Variants in SUCLG2 observed in about 807,000 individuals in gnomAD.
SUCLG2 encodes the protein succinate--CoA ligase [GDP-forming] subunit beta, mitochondrial.
A neutral mutation model predicts 47.9 loss-of-function variants in SUCLG2; 42 were observed. The observed-to-expected ratio is 0.88, with a 90% CI of 0.69 to 1.14. The LOEUF (loss-of-function observed/expected upper bound fraction) is 1.14, where lower values mean the gene tolerates loss of function less well. Among genes scored for constraint, SUCLG2 ranks in the 50% most tolerant of loss-of-function variants. SUCLG2 has a pLI of 0.00. For synonymous variants in SUCLG2, 195 were observed against 197.3 expected (o/e 0.99, Z 0.10); for missense variants, 571 against 525.9 (o/e 1.09, Z -0.84).
intron 7 of SUCLG2, among the ~76,000 whole-genome samples, chr3:67,505,098 C>G (rs976872241): frequency 6.6e-6 from 1 of 152,168 alleles, no homozygotes; most frequent in Admixed American, 6.5e-5. Context: ...CAGTGGCTGG[C>G]ATGGGCATAG....
chr3:67,519,332 T>C (rs931638328), intron 5 of SUCLG2, among the ~76,000 whole-genome samples: 1 of 152,236 alleles, frequency 6.6e-6, no homozygotes, highest in Non-Finnish European at 1.5e-5. Context: ...CTGGAAAAAC[T>C]GGATAAACAA....
At chr3:67,364,151 C>A (rs565884485) in intron 10 of SUCLG2, among the ~76,000 whole-genome samples, 1 of 152,200 alleles carries the variant, frequency 6.6e-6, no homozygotes, top group Non-Finnish European at 1.5e-5. Context: ...CTACTGAAGC[C>A]CATGAAGGCT....
At chr3:67,625,592 C>T (rs1371108819) in intron 1 of SUCLG2, among the ~76,000 whole-genome samples, 2 of 152,150 alleles carry the variant, frequency 1.3e-5, no homozygotes, top group African/African-American at 4.8e-5. Context: ...ACAGTCAGCT[C>T]AAAATTAAAA....
rs189792336 is a variant in SUCLG2 at position 67,589,128 on chromosome 3, C to T, written c.226+20327G>A. Among the ~76,000 whole-genome samples, 11 of 152,328 alleles carry T rather than the reference C, an allele frequency of 7.2e-5. No homozygotes were observed. The East Asian group carries it at 1.9e-3, about 27-fold the overall frequency. On this transcript the variant is annotated intron_variant, in intron 2 of 10. Transcript: ENST00000307227. ...CTATGTGATCCACCCACTTGGAATG[C>T]CCTTCCCTTAGATCTTCTTGCAGCT... is the stretch of plus-strand genomic sequence containing the variant.
chr3:67,624,530 A>G (rs1366065788), intron 1 of SUCLG2, among the ~76,000 whole-genome samples: 5 of 152,216 alleles, frequency 3.3e-5, no homozygotes, highest in African/African-American at 1.2e-4. Flanking sequence ...GAGAAATAAT[A>G]ATTTTGATGA....
chr3:67,483,044 A>T (rs1704957894), intron 9 of SUCLG2, among the ~76,000 whole-genome samples: 1 of 152,174 alleles, frequency 6.6e-6, no homozygotes, highest in South Asian at 2.1e-4. Flanking sequence ...GGCCCTTGGG[A>T]ATGCTAATAT....
chr3:67,400,921 A>G, intron 9 of SUCLG2, 70 bp from the exon 10 acceptor site: 13 of 1,595,136 alleles, frequency 8.1e-6, no homozygotes, highest in Non-Finnish European at 1.1e-5. Context: ...AACTGGTTAA[A>G]TAATAGAGAC....
intron 10 of SUCLG2, among the ~76,000 whole-genome samples, chr3:67,399,897 C>T (rs971403114): frequency 6.6e-6 from 1 of 152,122 alleles, no homozygotes; most frequent in Non-Finnish European, 1.5e-5. Flanking sequence ...AAAACTCCCC[C>T]TGGCTAGGTG....
intron 10 of SUCLG2, among the ~76,000 whole-genome samples, chr3:67,391,339 G>T (rs955263181): frequency 5.3e-5 from 8 of 151,990 alleles, no homozygotes; most frequent in African/African-American, 1.9e-4. Context: ...AGTACAAATC[G>T]TGTCCTTCTT....
At chr3:67,425,684 C>A (rs1043701848) in intron 9 of SUCLG2, among the ~76,000 whole-genome samples, 1 of 152,224 alleles carries the variant, frequency 6.6e-6, no homozygotes, top group Non-Finnish European at 1.5e-5. Flanking sequence ...ATACCACCAG[C>A]CTTCCTGGGT....
intron 7 of SUCLG2, among the ~76,000 whole-genome samples, chr3:67,508,575 GT>G (rs1311604389): frequency 6.6e-6 from 1 of 152,090 alleles, no homozygotes; most frequent in Non-Finnish European, 1.5e-5. Flanking sequence ...AAGCCTGAAT[GT>G]TTTTAAGTAA....
chr3:67,498,365 G>A, intron 7 of SUCLG2, 70 bp from the exon 8 acceptor site: 1 of 1,524,108 alleles, frequency 6.6e-7, no homozygotes, highest in Non-Finnish European at 9.0e-7. Flanking sequence ...CTTCAGGCTG[G>A]TAGGCACAAG....
rs1325937947 is a variant in SUCLG2 at position 67,609,560 on chromosome 3, G to A, written c.121C>T (p.Gln41Ter). 1 of 1,613,802 alleles carries A rather than the reference G, an allele frequency of 6.2e-7. No individual in the cohort carries two copies. Among genetic ancestry groups the A allele is most frequent in the Admixed American group, 1.7e-5 (1 of 59,986 alleles). Residue 41 changes from glutamine to a stop codon, truncating the protein, a stop_gained, in exon 2 of 11, where the codon CAG becomes TAG. Coordinates refer to ENST00000307227, the MANE Select transcript of SUCLG2 (RefSeq NM_003848.4). LOFTEE classifies it high-confidence loss of function. ...QLTSRRWLNL[Q>*]EYQSKKLMSD... is the part of the protein sequence containing the mutation. ...ATCAGTTTCTTGCTCTGGTATTCCTGCAGGTTCAGCCATCTTCTGGAGGTT... is the reference window on the plus strand; with the variant it reads ...ATCAGTTTCTTGCTCTGGTATTCCTACAGGTTCAGCCATCTTCTGGAGGTT...
In SUCLG2 at chr3:67,418,691, C is replaced by T. The variant is rs960143231; in HGVS notation, c.1063-17840G>A. Among the ~76,000 whole-genome samples, 5 of 152,114 alleles carry T rather than the reference C, an allele frequency of 3.3e-5. No homozygotes were observed. The East Asian group carries it at 9.6e-4, about 29-fold the overall frequency. On this transcript the variant is annotated intron_variant, in intron 9 of 10. Transcript: ENST00000307227. ...TGGAGATGGAAGAATCTTTGAAGTCCCTGAGCCCTGCTTCCAGTGAGCCAT... is the reference window on the plus strand; with the variant it reads ...TGGAGATGGAAGAATCTTTGAAGTCTCTGAGCCCTGCTTCCAGTGAGCCAT...
At chr3:67,580,886 G>T (rs904089353) in intron 2 of SUCLG2, among the ~76,000 whole-genome samples, 3 of 152,174 alleles carry the variant, frequency 2.0e-5, no homozygotes, top group Non-Finnish European at 4.4e-5. Context: ...ATTGTTTAGA[G>T]CTGTTTATAA....
In SUCLG2 at chr3:67,654,473, G is replaced by A. The variant is rs116383276; in HGVS notation, c.84+30C>T. On this transcript the variant is annotated intron_variant, in intron 1 of 10. Coordinates refer to ENST00000307227, the MANE Select transcript of SUCLG2 (RefSeq NM_003848.4). ...GCCCGGGCAGGCCGGCGCCGCTGCTGGCGCCCGCAGCTCCTGCCCCCACGC... is the reference window on the plus strand; with the variant it reads ...GCCCGGGCAGGCCGGCGCCGCTGCTAGCGCCCGCAGCTCCTGCCCCCACGC... The A allele has an allele frequency of 5.9e-3, 7,276 of 1,230,988 alleles. 225 individuals are homozygous for A. The African/African-American group carries it at 0.072, about 12-fold the overall frequency. 76.3% of individuals were successfully genotyped at this position (1,230,988 alleles called of 1,614,324 possible).
chr3:67,630,644 C>G (rs1398787441), intron 1 of SUCLG2, among the ~76,000 whole-genome samples: 1 of 152,214 alleles, frequency 6.6e-6, no homozygotes, highest in Non-Finnish European at 1.5e-5. Flanking sequence ...ATGCCCAGCA[C>G]TTGTACCAAC....
At chr3:67,428,424 C>T (rs1336824018) in intron 9 of SUCLG2, among the ~76,000 whole-genome samples, 1 of 152,154 alleles carries the variant, frequency 6.6e-6, no homozygotes, top group Non-Finnish European at 1.5e-5. Flanking sequence ...AGGACATCCA[C>T]ACCGAAACCC....
chr3:67,443,104 G>A (rs545823030), intron 9 of SUCLG2, among the ~76,000 whole-genome samples: 1 of 152,170 alleles, frequency 6.6e-6, no homozygotes, highest in Non-Finnish European at 1.5e-5. Context: ...CAAGTACATT[G>A]TATGAGGTAT....
Sources: allele counts gnomAD v4.1 joint callset (sites outside exome capture counted in the v4.1 genomes callset), GRCh38; gene constraint gnomAD v4.1.1; transcripts MANE v1.5; gene names NCBI Gene and HGNC (gene_info 2026-07-23, HGNC 2026-07-21).